The following CKM variants were observed in gnomAD, a reference collection of about 807,000 sequenced individuals.
The protein encoded by CKM is creatine kinase M-type.
Under a neutral mutation model 35.4 loss-of-function variants are expected in CKM, and 28 were observed. The observed-to-expected ratio is 0.79, with a 90% CI of 0.59 to 1.08. CKM has a LOEUF of 1.08. Among genes scored for constraint, CKM ranks in the 50% least tolerant of loss-of-function variants. The pLI, the probability that CKM is intolerant of heterozygous loss-of-function variation, is 0.00. For missense variants in CKM, 484 were observed against 509.8 expected (o/e 0.95, Z 0.49); for synonymous variants, 215 against 204.4 (o/e 1.05, Z -0.44).
chr19:45,307,802 G>A (rs1971068366), intron 6 of CKM, 152 bp from the exon 7 acceptor site: 2 of 651,604 alleles, frequency 3.1e-6, no homozygotes, highest in African/African-American at 3.6e-5. Context: ...CGAGGGTGCT[G>A]GCTAGACAAT....
At chr19:45,320,441 T>C (rs755854696) in intron 1 of CKM, among the ~76,000 whole-genome samples, 4 of 152,150 alleles carry the variant, frequency 2.6e-5, no homozygotes, top group African/African-American at 9.7e-5. Flanking sequence ...GGGCAAGGCG[T>C]TGGGGTCAGG....
In CKM at chr19:45,317,999, G is replaced by A. The variant is rs182320411; in HGVS notation, c.194-20C>T. On this transcript the variant is annotated intron_variant, in intron 2 of 7. Transcript: ENST00000221476. The stretch of plus-strand genomic sequence containing the variant: ...GGTGACCTGGAGGGGTGGGGGTGAG[G>A]TCAGAGCTGCTTGTCCCCAGCAAAC... The A allele has an allele frequency of 8.0e-3, 12,969 of 1,612,300 alleles. 65 individuals are homozygous for A. The highest frequency in any genetic ancestry group is 9.7e-3 in the Non-Finnish European group (11,426 of 1,178,744).
chr19:45,315,771 C>T (rs1971151849), intron 3 of CKM, among the ~76,000 whole-genome samples, 174 bp from the exon 4 acceptor site: 1 of 152,034 alleles, frequency 6.6e-6, no homozygotes. Flanking sequence ...TCTGTCTCTC[C>T]CTTCTCTGTC....
At chr19:45,316,026 A>G (rs189332356) in intron 3 of CKM, among the ~76,000 whole-genome samples, 178 of 151,430 alleles carry the variant, frequency 1.2e-3, no homozygotes, top group Admixed American at 5.5e-3. Context: ...CTTAAAATAA[A>G]TTTTTTATAA....
chr19:45,311,633 T>G, intron 5 of CKM, 116 bp downstream of exon 5: 1 of 867,926 alleles, frequency 1.2e-6, no homozygotes, highest in Non-Finnish European at 1.8e-6. Context: ...TCCGTGGCAT[T>G]TAGAAGATCA....
Position 45,306,855 on chromosome 19 carries a change from T to C in CKM, c.1041A>G (p.Val347=). ...CATCCACCACCAGCTGCACCTGTTC[T>C]ACTTCGGACGAGCCCAGCCGATCAG... is the stretch of plus-strand genomic sequence containing the variant. ...SNADRLGSSE[V]EQVQLVVDGV... is the part of the protein sequence containing the mutation. Residue 347 remains valine (V), a synonymous_variant, in exon 8 of 8, where the codon GTA becomes GTG. Coordinates refer to ENST00000221476, the MANE Select transcript of CKM (RefSeq NM_001824.5). The surrounding 1 kb of genome is among the most constrained non-coding windows in gnomAD (Gnocchi z 4.5). The C allele has an allele frequency of 6.2e-7, 1 of 1,614,240 alleles. No homozygotes were observed. Among genetic ancestry groups the C allele is most frequent in the South Asian group, 1.1e-5 (1 of 91,090 alleles).
At chr19:45,314,959 T>C (rs1489034375) in intron 4 of CKM, among the ~76,000 whole-genome samples, 2 of 152,038 alleles carry the variant, frequency 1.3e-5, no homozygotes, top group African/African-American at 4.8e-5. Context: ...CGACCCTCCC[T>C]CCTAGGCCTC....
intron 4 of CKM, 91 bp downstream of exon 4, chr19:45,315,374 G>A: frequency 6.9e-7 from 1 of 1,442,708 alleles, no homozygotes; most frequent in Non-Finnish European, 9.4e-7. Context: ...ACTTTGAAAA[G>A]CGGGGGCCCA....
rs1281967683 is a variant in CKM at position 45,311,741 on chromosome 19, G to A, written c.653+8C>T. On this transcript the variant is annotated splice_region_variant and intron_variant, in intron 5 of 7. Coordinates refer to ENST00000221476, the MANE Select transcript of CKM (RefSeq NM_001824.5). ...AAGAGGAAGCCAGGGGGCGGGGAGG[G>A]GCCTCACCAGATGCCACGGGCGTCG... 2 of 1,565,330 alleles carry A rather than the reference G, an allele frequency of 1.3e-6. No homozygotes were observed. Among genetic ancestry groups the A allele is most frequent in the Admixed American group, 3.7e-5 (2 of 53,462 alleles).
At chr19:45,307,743 G>T in intron 6 of CKM, 93 bp from the exon 7 acceptor site, 1 of 1,024,884 alleles carries the variant, frequency 9.8e-7, no homozygotes, top group Non-Finnish European at 1.5e-6. Flanking sequence ...CAGGGCGTGG[G>T]AACGTGGTGG....
chr19:45,315,514 TGG>T lies in CKM; in HGVS notation c.430_431del (p.Pro144ThrfsTer46). The T allele has an allele frequency of 6.2e-7, 1 of 1,600,944 alleles. No homozygotes were observed. ...GRSIKGYTLPPHCSRGERRAV... is the reference protein window; with the variant it reads ...GRSIKGYTLPXHCSRGERRAV... ...CCCGGCGCTCGCCACGGGAGCAGTGTGGGGGCAACGTGTAGCCCTTGATGCTG... is the reference window on the plus strand; with the variant it reads ...CCCGGCGCTCGCCACGGGAGCAGTGTGGGCAACGTGTAGCCCTTGATGCTG... On this transcript the variant is annotated frameshift_variant, in exon 4 of 8. Transcript: ENST00000221476. LOFTEE classifies it high-confidence loss of function.
At chr19:45,308,284 CG>C (rs1048525333) in intron 6 of CKM, 124 bp downstream of exon 6, 7 of 1,119,774 alleles carry the variant, frequency 6.3e-6, no homozygotes, top group Admixed American at 2.6e-5. Context: ...GAGCCAGGTC[CG>C]GGGGGCAGGG....
chr19:45,321,312 G>C (rs1251764696), intron 1 of CKM, among the ~76,000 whole-genome samples: 2 of 151,950 alleles, frequency 1.3e-5, no homozygotes, highest in Non-Finnish European at 1.5e-5. Flanking sequence ...CAAAGACAAA[G>C]GGCTGGGTCG....
At chr19:45,308,021 G>T (rs948206175) in intron 6 of CKM, among the ~76,000 whole-genome samples, 2 of 151,932 alleles carry the variant, frequency 1.3e-5, no homozygotes, top group South Asian at 4.2e-4. Flanking sequence ...GCGCCACTAC[G>T]CCTGGATAAT....
chr19:45,315,658 G>T, intron 3 of CKM, 61 bp from the exon 4 acceptor site: 4 of 1,584,464 alleles, frequency 2.5e-6, no homozygotes, highest in South Asian at 1.1e-5. Flanking sequence ...GCAAGCCCAG[G>T]TCTCCCCCAG....
chr19:45,317,096 G>A (rs1304552395), intron 3 of CKM, among the ~76,000 whole-genome samples: 1 of 150,248 alleles, frequency 6.7e-6, no homozygotes, highest in Non-Finnish European at 1.5e-5. Flanking sequence ...GTGTCTCTCT[G>A]TCCCTCTCTC....
At position 45,306,980 on chromosome 19, in the gene CKM, C is replaced by G. The variant is rs750763277; in HGVS notation, c.968-52G>C. 6.3e-7 allele frequency: 1 copy of G among 1,596,012 alleles called. No homozygotes were observed. Among genetic ancestry groups the G allele is most frequent in the Non-Finnish European group, 8.6e-7 (1 of 1,169,448 alleles). The stretch of plus-strand genomic sequence containing the variant: ...AAGAGGCAGCGAAGGTGCAGAGGGG[C>G]TGGGACGTGGCCCCCGTGCCAAATG... On this transcript the variant is annotated intron_variant, in intron 7 of 7. Transcript: ENST00000221476. This position sits in a 1 kb window ranked among gnomAD's most constrained non-coding sequence, Gnocchi z 4.5.
At chr19:45,318,008 G>T in intron 2 of CKM, 29 bp from the exon 3 acceptor site, 1 of 1,609,412 alleles carries the variant, frequency 6.2e-7, no homozygotes. Flanking sequence ...GGTCAGAGCT[G>T]CTTGTCCCCA....
intron 5 of CKM, among the ~76,000 whole-genome samples, chr19:45,310,116 CTTTTTTTTTTTTTT>C (rs56240150): frequency 1.1e-5 from 1 of 93,928 alleles, no homozygotes; most frequent in Admixed American, 1.2e-4. Flanking sequence ...CCAGGCACTG[CTTTTTTTTTTTTTT>C]TTTTTTTTGA....
Sources: allele counts gnomAD v4.1 joint callset (sites outside exome capture counted in the v4.1 genomes callset), GRCh38; gene constraint gnomAD v4.1.1; non-coding constraint Gnocchi (gnomAD v3.1); transcripts MANE v1.5; gene names NCBI Gene and HGNC (gene_info 2026-07-23, HGNC 2026-07-21).